The following QKI variants were observed in gnomAD, a reference collection of about 807,000 sequenced individuals.
The protein encoded by QKI is KH domain-containing RNA-binding protein QKI.
In QKI, 10 loss-of-function variants were observed where a neutral mutation model predicts 39.0. The ratio of observed to expected loss-of-function variants is 0.26; its 90% CI spans 0.16 to 0.43. The LOEUF is 0.43. QKI is among the 20% of genes least tolerant of loss of function. The pLI is 1.00. For synonymous variants in QKI, 204 were observed against 155.4 expected (o/e 1.31, Z -2.33); for missense variants, 218 against 428.0 (o/e 0.51, Z 4.33).
intron 4 of QKI, among the ~76,000 whole-genome samples, chr6:163,544,413 T>G (rs528054932): frequency 1.3e-5 from 2 of 152,188 alleles, no homozygotes; most frequent in South Asian, 4.1e-4. Context: ...GAGGGACAAC[T>G]GTACTTTCAG....
At chr6:163,477,302 C>G (rs1163970242) in intron 2 of QKI, among the ~76,000 whole-genome samples, 1 of 152,138 alleles carries the variant, frequency 6.6e-6, no homozygotes, top group African/African-American at 2.4e-5. Flanking sequence ...CAGGTGTGAG[C>G]CACTGCGCCT....
At chr6:163,494,596 T>C (rs2128229455) in intron 3 of QKI, among the ~76,000 whole-genome samples, 1 of 152,322 alleles carries the variant, frequency 6.6e-6, no homozygotes. Context: ...TTTACTTCAG[T>C]TCATACACTG....
At chr6:163,499,696 A>G (rs1317053750) in intron 3 of QKI, among the ~76,000 whole-genome samples, 5 of 152,014 alleles carry the variant, frequency 3.3e-5, no homozygotes, top group African/African-American at 1.2e-4. Flanking sequence ...TTCCTTTCAC[A>G]TGTTCTACCC....
At chr6:163,484,645 C>T (rs1161866835) in intron 3 of QKI, among the ~76,000 whole-genome samples, 3 of 152,196 alleles carry the variant, frequency 2.0e-5, no homozygotes, top group Non-Finnish European at 1.5e-5. Flanking sequence ...TGACTTCTCT[C>T]TAGCTATGAA....
chr6:163,418,872 C>A (rs1787763932), intron 1 of QKI, among the ~76,000 whole-genome samples: 1 of 151,968 alleles, frequency 6.6e-6, no homozygotes, highest in Non-Finnish European at 1.5e-5. Context: ...CTTAACAATC[C>A]TGTATTAGGG....
At chr6:163,534,183 A>T (rs936064973) in intron 3 of QKI, among the ~76,000 whole-genome samples, 2 of 152,222 alleles carry the variant, frequency 1.3e-5, no homozygotes, top group African/African-American at 4.8e-5. Context: ...CCTGTAGCTT[A>T]ACCAGGTTTT....
Position 163,569,349 on chromosome 6 carries a change from C to G in QKI, c.1010-1345C>G, listed in dbSNP as rs1023531563. On this transcript the variant is annotated intron_variant, in intron 7 of 7. Transcript: ENST00000361752. Reference sequence around the variant, plus strand: ...ATTATTTTGGATCATTTAAACTGAACATTACACCTTCTGGGCTTTGATTTA... The same window carrying G: ...ATTATTTTGGATCATTTAAACTGAAGATTACACCTTCTGGGCTTTGATTTA... 23 of 1,199,378 alleles carry G rather than the reference C, an allele frequency of 1.9e-5. No individual in the cohort carries two copies. The African/African-American group carries it at 3.7e-4, about 19-fold the overall frequency. 74.3% of individuals were successfully genotyped at this position (1,199,378 alleles called of 1,614,324 possible).
At chr6:163,426,865 A>G (rs938962625) in intron 1 of QKI, among the ~76,000 whole-genome samples, 1 of 152,142 alleles carries the variant, frequency 6.6e-6, no homozygotes. Context: ...TTTTCTAATC[A>G]TCTTTGTAGA....
intron 3 of QKI, among the ~76,000 whole-genome samples, chr6:163,505,652 A>C (rs1231490664): frequency 6.6e-6 from 1 of 151,918 alleles, no homozygotes; most frequent in Non-Finnish European, 1.5e-5. Context: ...GGGAACATTT[A>C]CCCAATGCCT....
At chr6:163,560,082 AGTTAAAGACTTCT>A (rs1782901097) in intron 4 of QKI, among the ~76,000 whole-genome samples, 1 of 152,080 alleles carries the variant, frequency 6.6e-6, no homozygotes, top group South Asian at 2.1e-4. Context: ...TTGGAAATAA[AGTTAAAGACTTCT>A]CATACCAGTC....
chr6:163,442,952 A>G (rs961296083), intron 1 of QKI, among the ~76,000 whole-genome samples: 1 of 152,200 alleles, frequency 6.6e-6, no homozygotes, highest in South Asian at 2.1e-4. Flanking sequence ...CTTTCCAAGT[A>G]TGTTATTATA....
At chr6:163,534,008 C>T (rs1781039714) in intron 3 of QKI, among the ~76,000 whole-genome samples, 1 of 152,088 alleles carries the variant, frequency 6.6e-6, no homozygotes, top group African/African-American at 2.4e-5. Context: ...AATAAAGGTC[C>T]AAAAACAGCA....
chr6:163,485,353 A>G (rs575265464), intron 3 of QKI, among the ~76,000 whole-genome samples: 1 of 152,306 alleles, frequency 6.6e-6, no homozygotes, highest in African/African-American at 2.4e-5. Context: ...ACCTTTAGAA[A>G]CAGGTGGGAG....
At chr6:163,566,633 AAATCCATTTT>A (rs1462033669) in intron 6 of QKI, 78 bp from the exon 7 acceptor site, 2 of 1,558,034 alleles carry the variant, frequency 1.3e-6, no homozygotes, top group Non-Finnish European at 1.7e-6. Context: ...TGAACATTTG[AAATCCATTTT>A]GATAAACCTG....
intron 3 of QKI, among the ~76,000 whole-genome samples, chr6:163,490,209 AT>A (rs1203947614): frequency 6.6e-6 from 1 of 152,212 alleles, no homozygotes; most frequent in Non-Finnish European, 1.5e-5. Flanking sequence ...TCTAAACCAT[AT>A]TTGTGATACT....
chr6:163,471,924 AAAT>A (rs1206508162), intron 2 of QKI, among the ~76,000 whole-genome samples: 1 of 152,172 alleles, frequency 6.6e-6, no homozygotes, highest in Non-Finnish European at 1.5e-5. Flanking sequence ...ACACATAAGA[AAAT>A]AAATTCTATC....
At chr6:163,455,475 A>G (rs1279945549) in intron 2 of QKI, 54 bp downstream of exon 2, 41 of 1,503,282 alleles carry the variant, frequency 2.7e-5, no homozygotes, top group Non-Finnish European at 3.4e-5. Flanking sequence ...ATATGTTGGG[A>G]AGAGATATAT....
Position 163,567,848 on chromosome 6 carries a change from A to G in QKI, c.1009+1053A>G, listed in dbSNP as rs143283575. The G allele has an allele frequency of 3.3e-4, 323 of 985,166 alleles. No individual in the cohort carries two copies. In the African/African-American group the frequency reaches 4.5e-3, roughly 14 times the overall value. 61.0% of individuals were successfully genotyped at this position (985,166 alleles called of 1,614,324 possible). A position where few individuals can be genotyped will look rare whatever the true frequency, so the allele number is the denominator to read the frequency against. On this transcript the variant is annotated intron_variant, in intron 7 of 7. Coordinates refer to ENST00000361752, the MANE Select transcript of QKI (RefSeq NM_006775.3). ...TTTGTACTTCAATTGTACATCTTCTATGAATTTATGAAGGACCTACCTGCT... is the reference window on the plus strand; with the variant it reads ...TTTGTACTTCAATTGTACATCTTCTGTGAATTTATGAAGGACCTACCTGCT...
At chr6:163,549,715 A>C (rs1782112047) in intron 4 of QKI, among the ~76,000 whole-genome samples, 1 of 152,232 alleles carries the variant, frequency 6.6e-6, no homozygotes, top group South Asian at 2.1e-4. Context: ...TTGTTTCAAA[A>C]AAACAAACAA....
Sources: allele counts gnomAD v4.1 joint callset (sites outside exome capture counted in the v4.1 genomes callset), GRCh38; gene constraint gnomAD v4.1.1; transcripts MANE v1.5; gene names NCBI Gene and HGNC (gene_info 2026-07-23, HGNC 2026-07-21).